GLIS3: variants seen among roughly 807,000 people sequenced by gnomAD.
The protein encoded by GLIS3 is zinc finger protein GLIS3.
A neutral mutation model predicts 78.6 loss-of-function variants in GLIS3; 53 were observed. The ratio of observed to expected loss-of-function variants is 0.67; its 90% CI spans 0.54 to 0.85. GLIS3 has a LOEUF of 0.85. Among genes scored for constraint, GLIS3 ranks in the 40% least tolerant of loss-of-function variants. The probability of loss-of-function intolerance (pLI) is 0.00; values close to 1 mark genes in which losing one functional copy is unlikely to be tolerated. For synonymous variants in GLIS3, 684 were observed against 509.9 expected, an observed-to-expected ratio of 1.34 and a Z score of -4.60; for missense variants, 1,703 against 1,231.1, an observed-to-expected ratio of 1.38 and a Z score of -5.74.
intron 9 of GLIS3, among the ~76,000 whole-genome samples, chr9:3,837,392 A>G (rs1007140342): frequency 2.6e-5 from 4 of 152,202 alleles, no homozygotes; most frequent in African/African-American, 9.7e-5. Context: ...TATGCTTACC[A>G]TAGGATTCAG....
At chr9:3,988,784 T>G (rs755326420) in intron 4 of GLIS3, among the ~76,000 whole-genome samples, 1 of 151,770 alleles carries the variant, frequency 6.6e-6, no homozygotes, top group Non-Finnish European at 1.5e-5. Flanking sequence ...TAGACCTAAA[T>G]GTAAGAAACA....
At chr9:4,316,445 A>C (rs1018573035) in intron 2 of GLIS3, among the ~76,000 whole-genome samples, 1 of 152,242 alleles carries the variant, frequency 6.6e-6, no homozygotes, top group African/African-American at 2.4e-5. Context: ...GTCCTTAAAT[A>C]TCATCATTTC....
rs895323194 is a variant in GLIS3 at position 4,253,116 on chromosome 9, T to C, written c.388+32922A>G. On this transcript the variant is annotated intron_variant, in intron 2 of 10. Transcript: ENST00000381971. ...CAGGGACCCACTGGAGGAGGCAGTC[T>C]GTCCCTTAGCAGAGCTCAAGCGCTG... 3.9e-5 allele frequency among the ~76,000 whole-genome samples: 6 copies of C among 152,384 alleles called. No homozygotes were observed. In the East Asian group the frequency reaches 5.8e-4, roughly 15 times the overall value.
intron 2 of GLIS3, among the ~76,000 whole-genome samples, chr9:4,137,894 C>T (rs1314374806): frequency 2.0e-5 from 3 of 152,200 alleles, no homozygotes; most frequent in East Asian, 1.9e-4. Context: ...GCTTCTCCCT[C>T]GACAAATTTT....
chr9:4,398,919 C>A, the GLIS3 span, among the ~76,000 whole-genome samples: 1 of 152,192 alleles, frequency 6.6e-6, no homozygotes, highest in South Asian at 2.1e-4. Context: ...GAACTCCTAA[C>A]CTTGTGATCC....
At chr9:4,357,391 T>C in the GLIS3 span, among the ~76,000 whole-genome samples, 1 of 152,220 alleles carries the variant, frequency 6.6e-6, no homozygotes, top group African/African-American at 2.4e-5. Flanking sequence ...GTTTTCAAGC[T>C]GGGAAATCAG....
At chr9:3,861,254 A>G (rs1820192807) in intron 8 of GLIS3, among the ~76,000 whole-genome samples, 1 of 152,164 alleles carries the variant, frequency 6.6e-6, no homozygotes, top group Admixed American at 6.5e-5. Flanking sequence ...TTCTTTGACT[A>G]TTCAGATATA....
intron 2 of GLIS3, among the ~76,000 whole-genome samples, chr9:4,193,159 G>A (rs1215437219): frequency 1.3e-5 from 2 of 152,248 alleles, no homozygotes; most frequent in Non-Finnish European, 2.9e-5. Context: ...AACTTGGTCA[G>A]CAAAACTATA....
intron 2 of GLIS3, among the ~76,000 whole-genome samples, chr9:4,189,108 T>G (rs1007016164): frequency 4.0e-5 from 6 of 151,582 alleles, no homozygotes; most frequent in Admixed American, 2.6e-4. Flanking sequence ...ATTTTAGATC[T>G]TTCCTGCTTT....
intron 2 of GLIS3, among the ~76,000 whole-genome samples, chr9:4,206,821 C>T (rs745429071): frequency 6.6e-6 from 1 of 152,190 alleles, no homozygotes; most frequent in Non-Finnish European, 1.5e-5. Flanking sequence ...TGCGACCTGT[C>T]AAATCTGAGT....
At chr9:3,891,158 A>G (rs1367997090) in intron 7 of GLIS3, among the ~76,000 whole-genome samples, 1 of 151,862 alleles carries the variant, frequency 6.6e-6, no homozygotes, top group Non-Finnish European at 1.5e-5. Flanking sequence ...CTGTTCTCTA[A>G]TTTTCAGAAC....
chr9:4,095,020 C>G (rs1277327419), intron 4 of GLIS3, among the ~76,000 whole-genome samples: 3 of 152,112 alleles, frequency 2.0e-5, no homozygotes, highest in African/African-American at 7.2e-5. Flanking sequence ...TTCATCATTT[C>G]TTTGTGTTGG....
At chr9:4,395,503 G>A in the GLIS3 span, among the ~76,000 whole-genome samples, 1 of 152,244 alleles carries the variant, frequency 6.6e-6, no homozygotes, top group Non-Finnish European at 1.5e-5. Flanking sequence ...CGATGCTCTA[G>A]CTGAAGAAGA....
intron 4 of GLIS3, among the ~76,000 whole-genome samples, chr9:3,981,998 G>A (rs923690831): frequency 6.6e-5 from 10 of 151,852 alleles, no homozygotes; most frequent in South Asian, 2.1e-4. Flanking sequence ...CACCTGCAAA[G>A]TAATTGCTTA....
intron 4 of GLIS3, among the ~76,000 whole-genome samples, chr9:4,068,348 T>C (rs1827279988): frequency 6.6e-6 from 1 of 152,116 alleles, no homozygotes. Context: ...ATTCATGATT[T>C]TGAAAACTAG....
intron 7 of GLIS3, among the ~76,000 whole-genome samples, chr9:3,879,856 CCT>C (rs1183102662): frequency 1.3e-5 from 2 of 152,082 alleles, no homozygotes; most frequent in African/African-American, 4.8e-5. Context: ...CTGCCAGTTC[CCT>C]GTCTGGACAC....
chr9:4,321,249 T>C (rs1459794138), intron 2 of GLIS3, among the ~76,000 whole-genome samples: 1 of 133,678 alleles, frequency 7.5e-6, no homozygotes, highest in Non-Finnish European at 1.5e-5. Context: ...TGAAACCCCG[T>C]CTCTACTAAA....
the GLIS3 span, among the ~76,000 whole-genome samples, chr9:4,406,919 T>C: frequency 2.0e-5 from 3 of 152,136 alleles, no homozygotes; most frequent in Non-Finnish European, 4.4e-5. Flanking sequence ...AACAATTACA[T>C]TCTTCACAGA....
intron 4 of GLIS3, among the ~76,000 whole-genome samples, chr9:3,953,793 CTCTATATATATA>C (rs1333594587): frequency 0.016 from 740 of 46,850 alleles, no homozygotes; most frequent in Non-Finnish European, 0.024. Flanking sequence ...CTCTCTCTCT[CTCTATATATATA>C]TATATATATA....
Sources: gnomAD v4.1 joint callset for allele counts (sites outside exome capture counted in the v4.1 genomes callset) on GRCh38, gnomAD v4.1.1 for gene constraint, MANE v1.5 for transcripts, NCBI Gene and HGNC (gene_info 2026-07-23, HGNC 2026-07-21) for gene names.